The following DLEC1 variants were observed in gnomAD, a reference collection of about 807,000 sequenced individuals.
The protein encoded by DLEC1 is DLEC1 cilia and flagella associated protein.
DLEC1 carries 146 observed loss-of-function variants against 198.1 expected under a neutral mutation model. The observed-to-expected ratio is 0.74, with a 90% confidence interval of 0.64 to 0.85. The LOEUF is 0.85. DLEC1 is among the 40% of genes least tolerant of loss of function. The pLI is 0.00. For missense variants in DLEC1, 2,233 were observed against 2,220.0 expected, an observed-to-expected ratio of 1.01 and a Z score of -0.12; for synonymous variants, 897 against 866.8, an observed-to-expected ratio of 1.03 and a Z score of -0.61.
At chr3:38,096,934 C>T (rs368703843) in intron 15 of DLEC1, among the ~76,000 whole-genome samples, 197 bp downstream of exon 15, 4 of 152,180 alleles carry the variant, frequency 2.6e-5, no homozygotes, top group South Asian at 2.1e-4. Flanking sequence ...ATCAGCCTCC[C>T]AGAATCCTCT....
chr3:38,079,196 G>T (rs1013906920), intron 6 of DLEC1, among the ~76,000 whole-genome samples: 2 of 152,188 alleles, frequency 1.3e-5, no homozygotes, highest in East Asian at 1.9e-4. Flanking sequence ...AGATGTAGCT[G>T]TAATCCAGGA....
At chr3:38,072,442 G>A (rs903076042) in intron 6 of DLEC1, among the ~76,000 whole-genome samples, 3 of 152,144 alleles carry the variant, frequency 2.0e-5, no homozygotes, top group Non-Finnish European at 4.4e-5. Flanking sequence ...GCTACAGGAC[G>A]CGATCCTGGT....
intron 18 of DLEC1, among the ~76,000 whole-genome samples, chr3:38,099,552 A>C (rs1699199561): frequency 6.6e-6 from 1 of 152,178 alleles, no homozygotes; most frequent in African/African-American, 2.4e-5. Context: ...ACCCAACCCT[A>C]GACTACAGCC....
chr3:38,082,208 C>A (rs924533158), intron 6 of DLEC1, among the ~76,000 whole-genome samples: 1 of 142,874 alleles, frequency 7.0e-6, no homozygotes, highest in African/African-American at 2.7e-5. Context: ...GGCGGCCGGG[C>A]AGAGACGCTC....
chr3:38,077,005 T>A (rs959655508), intron 6 of DLEC1, among the ~76,000 whole-genome samples: 5 of 152,136 alleles, frequency 3.3e-5, no homozygotes, highest in Admixed American at 6.6e-5. Context: ...CAGTTTTGTA[T>A]GAATTGAAAA....
intron 14 of DLEC1, 59 bp downstream of exon 14, chr3:38,096,005 G>A: frequency 6.3e-7 from 1 of 1,597,800 alleles, no homozygotes; most frequent in Non-Finnish European, 8.6e-7. Flanking sequence ...CCACCTTGGG[G>A]GTTCTCCTGG....
In DLEC1 at chr3:38,095,690, G is replaced by A. The variant is rs888730307; in HGVS notation, c.2113-198G>A. The A allele has an allele frequency of 1.5e-5, 9 of 614,420 alleles. No homozygotes were observed. The Admixed American group carries it at 2.6e-4, about 18-fold the overall frequency. The allele number at this position is 614,420 out of a possible 1,614,324, so 38.1% of individuals were successfully genotyped here. A position where few individuals can be genotyped will look rare whatever the true frequency, so the allele number is the denominator to read the frequency against. ...AGGCCCAGCTGAGACAGGCCCCTGA[G>A]TCCTGGCTCATGTTCTGGCAGCAAC... is the stretch of plus-strand genomic sequence containing the variant. On this transcript the variant is annotated intron_variant, in intron 13 of 36. Coordinates refer to ENST00000308059, the MANE Select transcript of DLEC1 (RefSeq NM_007335.4).
rs758081829 is a variant in DLEC1, at chr3:38,117,130, G to A, written c.4305+30G>A. The A allele has an allele frequency of 9.9e-6, 16 of 1,613,064 alleles. No individual in the cohort carries two copies. The Middle Eastern group carries it at 4.9e-4, about 50-fold the overall frequency. ...GCTCTTCCGGCCTGGGGTGGGGGCC[G>A]CAGCCACTGCTCCCTCCTGGGTAGC... On this transcript the variant is annotated intron_variant, in intron 30 of 36. Coordinates refer to ENST00000308059, the MANE Select transcript of DLEC1 (RefSeq NM_007335.4).
chr3:38,112,061 A>G lies in DLEC1; in HGVS notation c.3515-149A>G, dbSNP rs902606732. 3 of 1,285,778 alleles carry G rather than the reference A, an allele frequency of 2.3e-6. No homozygotes were observed. The highest frequency in any genetic ancestry group is 3.3e-6 in the Non-Finnish European group (3 of 922,868). 79.6% of individuals were successfully genotyped at this position (1,285,778 alleles called of 1,614,324 possible). ...CCTGAGTAGCTTGCCTCTGGATTCCAGGCTCCCAGGAGGAGGGCACATGTA... is the reference window on the plus strand; with the variant it reads ...CCTGAGTAGCTTGCCTCTGGATTCCGGGCTCCCAGGAGGAGGGCACATGTA... On this transcript the variant is annotated intron_variant, in intron 24 of 36. Coordinates refer to ENST00000308059, the MANE Select transcript of DLEC1 (RefSeq NM_007335.4). This position sits in a 1 kb window ranked among gnomAD's most constrained non-coding sequence, Gnocchi z 4.8.
At chr3:38,052,870 G>T in intron 2 of DLEC1, among the ~76,000 whole-genome samples, 1 of 151,958 alleles carries the variant, frequency 6.6e-6, no homozygotes, top group East Asian at 1.9e-4. Context: ...CCGCCATCTC[G>T]GCTCACTGCA....
At chr3:38,074,948 A>G (rs1294242620) in intron 6 of DLEC1, among the ~76,000 whole-genome samples, 1 of 152,144 alleles carries the variant, frequency 6.6e-6, no homozygotes, top group Non-Finnish European at 1.5e-5. Flanking sequence ...TCTAAGAGGA[A>G]ATTGTTGGGC....
At chr3:38,115,186 A>G (rs1700091379) in intron 27 of DLEC1, 133 bp downstream of exon 27, 4 of 924,498 alleles carry the variant, frequency 4.3e-6, no homozygotes, top group Non-Finnish European at 6.6e-6. Context: ...GCCTGTGGTT[A>G]CGGAAGTGTG....
chr3:38,120,949 C>A (rs1245884771), intron 34 of DLEC1, among the ~76,000 whole-genome samples: 1 of 152,214 alleles, frequency 6.6e-6, no homozygotes, highest in African/African-American at 2.4e-5. Context: ...ATGGGTGGGA[C>A]AGAGCACCTG....
At chr3:38,109,690 A>C (rs746418421) in intron 22 of DLEC1, 128 bp downstream of exon 22, 5 of 1,485,394 alleles carry the variant, frequency 3.4e-6, no homozygotes, top group African/African-American at 1.4e-5. Context: ...AAAACGCCAC[A>C]GTGTTATTGC....
At chr3:38,048,037 C>T (rs1292887307) in intron 2 of DLEC1, among the ~76,000 whole-genome samples, 1 of 152,216 alleles carries the variant, frequency 6.6e-6, no homozygotes, top group Non-Finnish European at 1.5e-5. Flanking sequence ...TATCATTGTG[C>T]ACGCTTGGAT....
Position 38,122,252 on chromosome 3 carries a change from G to A in DLEC1, c.5145-37G>A, listed in dbSNP as rs1700518005. ...CACAGAGCCTGGACCCCCTGCCCAG[G>A]TGCCTCCTAACCTCAGCCCCCACAT... On this transcript the variant is annotated intron_variant, in intron 36 of 36. Transcript: ENST00000308059. The A allele has an allele frequency of 2.5e-6, 4 of 1,608,240 alleles. No individual in the cohort carries two copies. In the East Asian group the frequency reaches 8.9e-5, roughly 36 times the overall value.
intron 2 of DLEC1, among the ~76,000 whole-genome samples, chr3:38,047,046 G>A (rs1280031149): frequency 6.6e-6 from 1 of 152,304 alleles, no homozygotes; most frequent in Middle Eastern, 3.4e-3. Context: ...CAGCAGGAGG[G>A]TCACGTGATG....
chr3:38,093,152 T>C (rs1277952300), intron 11 of DLEC1, among the ~76,000 whole-genome samples: 1 of 152,180 alleles, frequency 6.6e-6, no homozygotes, highest in Non-Finnish European at 1.5e-5. Flanking sequence ...TCTTTCATTG[T>C]TTCATTTTGA....
rs61108705 is a variant in DLEC1 at position 38,122,579 on chromosome 3, CATG to C, written c.*170_*172del. ...CCACAATGGTCTCAGCCTAGGCCCTCATGATATGTCCTCAGAGCTAACATAAAG... is the reference window on the plus strand; with the variant it reads ...CCACAATGGTCTCAGCCTAGGCCCTCATATGTCCTCAGAGCTAACATAAAG... On this transcript the variant is annotated 3_prime_UTR_variant, in exon 37 of 37. Coordinates refer to ENST00000308059, the MANE Select transcript of DLEC1 (RefSeq NM_007335.4). 0.12 allele frequency: 186,510 copies of C among 1,596,844 alleles called. 11,793 individuals carry two copies. The highest frequency in any genetic ancestry group is 0.25 in the Middle Eastern group (1,508 of 5,980).
Sources: gnomAD v4.1 joint callset for allele counts (sites outside exome capture counted in the v4.1 genomes callset) on GRCh38, gnomAD v4.1.1 for gene constraint, Gnocchi (gnomAD v3.1) non-coding constraint, MANE v1.5 for transcripts, NCBI Gene and HGNC (gene_info 2026-07-23, HGNC 2026-07-21) for gene names.